Variants in SCN8A observed in about 807,000 individuals in gnomAD.
SCN8A encodes sodium voltage-gated channel alpha subunit 8.
SCN8A carries 30 observed loss-of-function variants against 184.1 expected under a neutral mutation model. The ratio of observed to expected loss-of-function variants is 0.16; its 90% CI spans 0.12 to 0.22. The LOEUF (loss-of-function observed/expected upper bound fraction) is 0.22, where lower values mean the gene tolerates loss of function less well. SCN8A is among the 10% of genes least tolerant of loss of function. The probability of loss-of-function intolerance (pLI) is 1.00; values close to 1 mark genes in which losing one functional copy is unlikely to be tolerated. For synonymous variants in SCN8A, 852 were observed against 907.0 expected, an observed-to-expected ratio of 0.94 and a Z score of 1.09; for missense variants, 1,057 against 2,498.9, an observed-to-expected ratio of 0.42 and a Z score of 12.30.
At chr12:51,697,206 G>A (rs900922774) in intron 6 of SCN8A, among the ~76,000 whole-genome samples, 3 of 152,064 alleles carry the variant, frequency 2.0e-5, no homozygotes, top group Non-Finnish European at 2.9e-5. Context: ...CCAAGCAAGC[G>A]CTTCATAATC....
At chr12:51,682,569 C>CA (rs1194916262) in intron 2 of SCN8A, among the ~76,000 whole-genome samples, 1 of 151,958 alleles carries the variant, frequency 6.6e-6, no homozygotes, top group South Asian at 2.1e-4. Context: ...GAAGGATATA[C>CA]AAAAAAACTG....
intron 13 of SCN8A, among the ~76,000 whole-genome samples, chr12:51,749,558 G>C (rs1210354711): frequency 6.6e-6 from 1 of 152,120 alleles, no homozygotes; most frequent in Non-Finnish European, 1.5e-5. Flanking sequence ...TTTACCTTAG[G>C]AAGGGAGGGA....
rs778239289 is a variant in SCN8A, at chr12:51,770,607, C to T, written c.3569C>T (p.Thr1190Ile). 6.2e-7 allele frequency: 1 copy of T among 1,614,142 alleles called. No homozygotes were observed. The highest frequency in any genetic ancestry group is 1.1e-5 in the South Asian group (1 of 91,068). The change falls in exon 19 of 27, where the codon ACC becomes ATC. Residue 1190 changes from threonine to isoleucine, a missense_variant. Thr to Ile is a moderately conservative substitution (Grantham distance 89). This residue lies in a region of SCN8A where 178 missense variants were observed against 259.6 expected (regional missense o/e 0.69). Transcript: ENST00000627620. The stretch of plus-strand genomic sequence containing the variant: ...AAGTCTTGGTGGATCCTGCGGAAAA[C>T]CTGCTTCCTCATCGTGGAGCACAAC... ...LGKSWWILRK[T>I]CFLIVEHNWF... is the part of the protein sequence containing the mutation.
chr12:51,695,163 GTAGT>G lies in SCN8A; in HGVS notation c.707-4402_707-4399del, dbSNP rs372642239. ...TGGAGAGTAAACCTTTTAGATTGCT[GTAGT>G]TAGTGTTATTTAGTGATTATCCTTG... On this transcript the variant is annotated intron_variant, in intron 6 of 26. Transcript: ENST00000627620. Among the ~76,000 whole-genome samples the G allele has an allele frequency of 3.4e-4, 51 of 152,208 alleles. No homozygotes were observed. The East Asian group carries it at 6.2e-3, about 18-fold the overall frequency.
At chr12:51,693,632 G>A (rs1266607898) in intron 6 of SCN8A, among the ~76,000 whole-genome samples, 1 of 152,130 alleles carries the variant, frequency 6.6e-6, no homozygotes, top group Non-Finnish European at 1.5e-5. Context: ...GGGCAGCATA[G>A]TGCGATCTTG....
chr12:51,747,068 T>C (rs1361910310), intron 13 of SCN8A, among the ~76,000 whole-genome samples: 1 of 149,516 alleles, frequency 6.7e-6, no homozygotes, highest in Non-Finnish European at 1.5e-5. Flanking sequence ...TTAAACCCAG[T>C]GCCACTTCTA....
At chr12:51,714,655 A>G (rs960028492) in intron 11 of SCN8A, among the ~76,000 whole-genome samples, 45 of 152,204 alleles carry the variant, frequency 3.0e-4, no homozygotes, top group Admixed American at 2.6e-3. Flanking sequence ...GAAATATGGC[A>G]TGGAAATAGA....
At chr12:51,709,991 C>T (rs760302773) in intron 11 of SCN8A, among the ~76,000 whole-genome samples, 4 of 152,126 alleles carry the variant, frequency 2.6e-5, no homozygotes, top group Non-Finnish European at 4.4e-5. Context: ...GCCTGGGCAA[C>T]ATAGTGAGAC....
At chr12:51,669,112 A>C (rs1483546167) in intron 2 of SCN8A, among the ~76,000 whole-genome samples, 1 of 152,200 alleles carries the variant, frequency 6.6e-6, no homozygotes, top group Non-Finnish European at 1.5e-5. Context: ...AAGGTAATGC[A>C]TTGTGCTATA....
At chr12:51,688,072 G>A (rs369866049) in intron 5 of SCN8A, among the ~76,000 whole-genome samples, 10 of 152,310 alleles carry the variant, frequency 6.6e-5, no homozygotes, top group African/African-American at 2.4e-4. Flanking sequence ...CTGACTTTCT[G>A]TTATATAAAG....
intron 11 of SCN8A, among the ~76,000 whole-genome samples, chr12:51,710,833 A>G (rs936116210): frequency 4.6e-5 from 7 of 152,090 alleles, no homozygotes; most frequent in Non-Finnish European, 8.8e-5. Flanking sequence ...GTTATGTTTT[A>G]TATGTACCTC....
rs1224386282 is a variant in SCN8A, at chr12:51,680,760, G to GA, written c.277-3414_277-3413insA. Among the ~76,000 whole-genome samples, 15 of 152,232 alleles carry GA rather than the reference G, an allele frequency of 9.9e-5. No homozygotes were observed. In the South Asian group the frequency reaches 1.7e-3, roughly 17 times the overall value. ...CTCACGCCTTTAATCCCAGCCCTTT[G>GA]GGAGGCTGAGGCAGGCGGATCATCC... is the stretch of plus-strand genomic sequence containing the variant. On this transcript the variant is annotated intron_variant, in intron 2 of 26. Transcript: ENST00000627620.
chr12:51,803,580 C>G (rs1251253308), intron 26 of SCN8A, among the ~76,000 whole-genome samples: 1 of 152,016 alleles, frequency 6.6e-6, no homozygotes, highest in Non-Finnish European at 1.5e-5. Context: ...TACTGTCTGC[C>G]CCATTTCTCC....
chr12:51,678,777 T>A, intron 2 of SCN8A, among the ~76,000 whole-genome samples: 1 of 152,082 alleles, frequency 6.6e-6, no homozygotes, highest in Non-Finnish European at 1.5e-5. Flanking sequence ...CTGTGTTTTT[T>A]AAAAAGCTAC....
chr12:51,642,691 T>A (rs1030196923), intron 1 of SCN8A, among the ~76,000 whole-genome samples: 4 of 151,810 alleles, frequency 2.6e-5, no homozygotes, highest in Non-Finnish European at 5.9e-5. Context: ...GAGATGATTT[T>A]ATCACCCCCA....
chr12:51,613,908 A>G (rs1472100407), intron 1 of SCN8A, among the ~76,000 whole-genome samples: 7 of 152,074 alleles, frequency 4.6e-5, no homozygotes, highest in Non-Finnish European at 8.8e-5. Flanking sequence ...ATGATTAGAG[A>G]GCATACTTTG....
At chr12:51,644,852 C>T (rs962583834) in intron 1 of SCN8A, among the ~76,000 whole-genome samples, 10 of 151,746 alleles carry the variant, frequency 6.6e-5, no homozygotes, top group South Asian at 4.2e-4. Flanking sequence ...CCGGCCACCC[C>T]GTCTGAGAAG....
chr12:51,603,974 T>C (rs1939527011), intron 1 of SCN8A, among the ~76,000 whole-genome samples: 1 of 152,224 alleles, frequency 6.6e-6, no homozygotes. Flanking sequence ...AAAACAGATA[T>C]CTTTATCAGA....
At chr12:51,660,453 G>A (rs1940904655) in intron 1 of SCN8A, among the ~76,000 whole-genome samples, 1 of 152,194 alleles carries the variant, frequency 6.6e-6, no homozygotes, top group African/African-American at 2.4e-5. Flanking sequence ...GAGTGTGAAT[G>A]TAGGAGCCAA....
Sources: gnomAD v4.1 joint callset for allele counts (sites outside exome capture counted in the v4.1 genomes callset) on GRCh38, gnomAD v4.1.1 for gene constraint, gnomAD v4.1.1 regional missense constraint, MANE v1.5 for transcripts, NCBI Gene and HGNC (gene_info 2026-07-23, HGNC 2026-07-21) for gene names.